GPM6B: variants seen among roughly 807,000 people sequenced by gnomAD.
GPM6B encodes the protein neuronal membrane glycoprotein M6-b.
In GPM6B, 4 loss-of-function variants were observed where a neutral mutation model predicts 27.2. That is an observed-to-expected ratio of 0.15 (90% CI 0.07 to 0.34). The LOEUF (loss-of-function observed/expected upper bound fraction) is 0.34, where lower values mean the gene tolerates loss of function less well. GPM6B is among the 10% of genes least tolerant of loss of function. The pLI, the probability that GPM6B is intolerant of heterozygous loss-of-function variation, is 1.00. For synonymous variants in GPM6B, 124 were observed against 103.1 expected, an observed-to-expected ratio of 1.20 and a Z score of -1.23; for missense variants, 183 against 261.9, an observed-to-expected ratio of 0.70 and a Z score of 2.08.
chrX:13,915,937 C>G (rs978012760), intron 1 of GPM6B, among the ~76,000 whole-genome samples: 1 of 111,714 alleles, frequency 9.0e-6, no homozygotes, highest in Non-Finnish European at 1.9e-5. Flanking sequence ...GTCCCAAATT[C>G]AAAACTCTCT....
At chrX:13,812,144 G>T (rs1039690079) in intron 1 of GPM6B, among the ~76,000 whole-genome samples, 1 of 104,590 alleles carries the variant, frequency 9.6e-6, no homozygotes, top group Non-Finnish European at 2.0e-5. Flanking sequence ...CCGCCTCTCG[G>T]GTTCACGCCA....
In GPM6B at chrX:13,887,871, G is replaced by A. The variant is rs746210748; in HGVS notation, c.-198+50456C>T. 2.1e-3 allele frequency among the ~76,000 whole-genome samples: 233 copies of A among 111,921 alleles called. 1 individual carries two copies. The highest frequency in any genetic ancestry group is 3.8e-3 in the Non-Finnish European group (201 of 53,208). On this transcript the variant is annotated intron_variant, in intron 1 of 6. Coordinates refer to the GPM6B transcript ENST00000398361. ...TCAGCTGATTCCAATGTACAGTGAA[G>A]TTTGAGAACCAGTGGGATATGGGCA...
intron 1 of GPM6B, among the ~76,000 whole-genome samples, chrX:13,842,016 C>T (rs1350893759): frequency 8.9e-6 from 1 of 112,159 alleles, no homozygotes; most frequent in African/African-American, 3.2e-5. Flanking sequence ...CTCACCATGT[C>T]ATAGGTCTAT....
chrX:13,857,315 AGAGT>A (rs770007293), intron 1 of GPM6B, among the ~76,000 whole-genome samples: 7 of 112,494 alleles, frequency 6.2e-5, no homozygotes, highest in Admixed American at 1.9e-4. Context: ...GAAATTGAAT[AGAGT>A]GAGGCAATAA....
At chrX:13,809,146 T>C (rs180682578) in intron 1 of GPM6B, among the ~76,000 whole-genome samples, 1 of 111,872 alleles carries the variant, frequency 8.9e-6, no homozygotes, top group East Asian at 2.8e-4. Context: ...TATTATTCCA[T>C]TTTTACAAGG....
intron 1 of GPM6B, among the ~76,000 whole-genome samples, chrX:13,822,363 A>AT (rs58011078): frequency 0.042 from 4,269 of 102,097 alleles, 105 homozygotes; most frequent in East Asian, 0.15. Flanking sequence ...AGTGACTCCT[A>AT]TTTTTTTTTT....
At chrX:13,780,126 A>G (rs1430035432) in intron 4 of GPM6B, 137 bp from the exon 5 acceptor site, 6 of 452,437 alleles carry the variant, frequency 1.3e-5, no homozygotes, top group African/African-American at 2.4e-5. Flanking sequence ...CGGCATTGGT[A>G]GCAAGAAGGA....
At chrX:13,858,410 A>G (rs189951214) in intron 1 of GPM6B, among the ~76,000 whole-genome samples, 66 of 111,453 alleles carry the variant, frequency 5.9e-4, no homozygotes, top group African/African-American at 2.1e-3. Flanking sequence ...AGATTTCCAA[A>G]ATGATTGTCA....
rs138939241 is a variant in GPM6B, at chrX:13,928,977, A to C, written c.-198+9350T>G. 4.0e-4 allele frequency among the ~76,000 whole-genome samples: 45 copies of C among 112,046 alleles called. No homozygotes were observed. The East Asian group carries it at 0.013, about 31-fold the overall frequency. On this transcript the variant is annotated intron_variant, in intron 1 of 6. Coordinates refer to the GPM6B transcript ENST00000398361. Reference sequence around the variant, plus strand: ...AAACGGATCTCTAAACAAGGGGGAAATCAGTCCTTTCTCTTCCAACTCCTG... The same window carrying C: ...AAACGGATCTCTAAACAAGGGGGAACTCAGTCCTTTCTCTTCCAACTCCTG...
intron 2 of GPM6B, among the ~76,000 whole-genome samples, chrX:13,797,143 T>G (rs2048830846): frequency 8.9e-6 from 1 of 112,410 alleles, no homozygotes; most frequent in South Asian, 3.7e-4. Context: ...CTTTCCTGGA[T>G]TCCATTCCAT....
chrX:13,938,277 CAGCCGG>C, intron 1 of GPM6B: 1 of 249,080 alleles, frequency 4.0e-6, no homozygotes, highest in Non-Finnish European at 6.9e-6. Flanking sequence ...AGCCTGGCCG[CAGCCGG>C]AGCGGGGACC....
At chrX:13,865,541 T>TAAAAAAAAAA (rs1569271152) in intron 1 of GPM6B, among the ~76,000 whole-genome samples, 25 of 3,097 alleles carry the variant, frequency 8.1e-3, no homozygotes, top group African/African-American at 0.018. Flanking sequence ...ATCCATCTCT[T>TAAAAAAAAAA]CAAAAAAAAA....
chrX:13,773,067 T>G, intron 7 of GPM6B, 37 bp from the exon 8 acceptor site: 1 of 1,175,688 alleles, frequency 8.5e-7, no homozygotes, highest in Non-Finnish European at 1.2e-6. Context: ...CTAGTGAGCA[T>G]TGTGAGAAGG....
chrX:13,876,230 A>C, intron 1 of GPM6B, among the ~76,000 whole-genome samples: 1 of 111,737 alleles, frequency 8.9e-6, no homozygotes, highest in East Asian at 2.8e-4. Flanking sequence ...TAACCAACAA[A>C]CAATGGCCAT....
intron 1 of GPM6B, among the ~76,000 whole-genome samples, chrX:13,925,490 C>CTTT (rs57186854): frequency 0.018 from 1,441 of 79,846 alleles, 55 homozygotes; most frequent in African/African-American, 0.053. Flanking sequence ...CCATGTCTGG[C>CTTT]TTTTTTTTTT....
At chrX:13,838,925 C>T (rs67020602) in intron 1 of GPM6B, among the ~76,000 whole-genome samples, 15,228 of 110,993 alleles carry the variant, frequency 0.14, 1,691 homozygotes, top group African/African-American at 0.37. Flanking sequence ...GCCAAGGGGA[C>T]TCCAAAGTAA....
chrX:13,890,504 T>C (rs1447634909), intron 1 of GPM6B, among the ~76,000 whole-genome samples: 1 of 111,725 alleles, frequency 9.0e-6, no homozygotes, highest in African/African-American at 3.3e-5. Context: ...GGGACCCCTT[T>C]GTTGTAACAC....
At chrX:13,843,328 T>C (rs2049603340) in intron 1 of GPM6B, among the ~76,000 whole-genome samples, 1 of 112,475 alleles carries the variant, frequency 8.9e-6, no homozygotes, top group African/African-American at 3.2e-5. Flanking sequence ...CCACATTTTG[T>C]TGATCCACTC....
At chrX:13,883,525 T>C (rs1303111465) in intron 1 of GPM6B, among the ~76,000 whole-genome samples, 1 of 61,448 alleles carries the variant, frequency 1.6e-5, no homozygotes, top group Non-Finnish European at 3.0e-5. Context: ...TGGTCACATG[T>C]TGAAATAACA....
Sources: allele counts gnomAD v4.1 joint callset (sites outside exome capture counted in the v4.1 genomes callset), GRCh38; gene constraint gnomAD v4.1.1; transcripts MANE v1.5; gene names NCBI Gene and HGNC (gene_info 2026-07-23, HGNC 2026-07-21).